The following NAP1L1 variants were observed in gnomAD, a reference collection of about 807,000 sequenced individuals.
NAP1L1 encodes the protein nucleosome assembly protein 1-like 1.
In NAP1L1, 9 loss-of-function variants were observed where a neutral mutation model predicts 58.9. The ratio of observed to expected loss-of-function variants is 0.15; its 90% confidence interval spans 0.09 to 0.27. The LOEUF (loss-of-function observed/expected upper bound fraction) is 0.27, where lower values mean the gene tolerates loss of function less well. NAP1L1 is among the 10% of genes least tolerant of loss of function. NAP1L1 has a pLI of 1.00. For synonymous variants in NAP1L1, 130 were observed against 138.3 expected (o/e 0.94, Z 0.42); for missense variants, 302 against 458.8 (o/e 0.66, Z 3.12).
rs539002132 is a variant in NAP1L1 at position 76,041,401 on chromosome 12, T to C, written c.*7028A>G. ...GTACTGATGAAAAGGAGATCCTATGTTGAACTAGTAAAACACATGCACAAA... is the reference window on the plus strand; with the variant it reads ...GTACTGATGAAAAGGAGATCCTATGCTGAACTAGTAAAACACATGCACAAA... On this transcript the variant is annotated 3_prime_UTR_variant, in exon 15 of 15. Coordinates refer to ENST00000618691, the MANE Select transcript of NAP1L1 (RefSeq NM_004537.7). The C allele has an allele frequency of 3.9e-5, 6 of 152,340 alleles. No homozygotes were observed. Among genetic ancestry groups the C allele is most frequent in the African/African-American group, 9.6e-5 (4 of 41,574 alleles). 9.4% of individuals were successfully genotyped at this position (152,340 alleles called of 1,614,324 possible).
At chr12:76,051,530 TA>T (rs1948828475) in intron 11 of NAP1L1, among the ~76,000 whole-genome samples, 1 of 152,146 alleles carries the variant, frequency 6.6e-6, no homozygotes, top group African/African-American at 2.4e-5. Flanking sequence ...ATATACTAAC[TA>T]AATCAGGTGC....
chr12:76,056,686 A>T (rs1949109632), intron 6 of NAP1L1: 1 of 143,644 alleles, frequency 7.0e-6, no homozygotes. Context: ...CCATGAAGTT[A>T]AAAAAAAAAA....
chr12:76,054,394 T>C (rs1020256326), intron 8 of NAP1L1, among the ~76,000 whole-genome samples: 1 of 152,262 alleles, frequency 6.6e-6, no homozygotes. Context: ...ATCAAAAAAA[T>C]TACGTTAAAA....
Position 76,050,552 on chromosome 12 carries a change from A to C in NAP1L1, c.1038T>G (p.Ala346=). Residue 346 remains alanine, a synonymous_variant, in exon 12 of 15, where the codon GCT becomes GCG. Coordinates refer to ENST00000618691, the MANE Select transcript of NAP1L1 (RefSeq NM_004537.7). ...PRSVLYFTGE[A]IEDDDDDYDE... is the part of the protein sequence containing the mutation. ...TTACATCATCATCATCATCTTCAATAGCTTCTCCAGTAAAATATAACACTG... is the reference window on the plus strand; with the variant it reads ...TTACATCATCATCATCATCTTCAATCGCTTCTCCAGTAAAATATAACACTG... 2.5e-6 allele frequency: 4 copies of C among 1,606,794 alleles called. No homozygotes were observed. The highest frequency in any genetic ancestry group is 3.4e-6 in the Non-Finnish European group (4 of 1,178,306).
chr12:76,069,188 G>A (rs1412149688), intron 2 of NAP1L1, among the ~76,000 whole-genome samples, 194 bp from the exon 3 acceptor site: 1 of 152,178 alleles, frequency 6.6e-6, no homozygotes, highest in Non-Finnish European at 1.5e-5. Context: ...TTCATTAAAA[G>A]CATCTGGTCA....
At chr12:76,068,733 C>T (rs1949799201) in intron 3 of NAP1L1, 176 bp downstream of exon 3, 4 of 501,180 alleles carry the variant, frequency 8.0e-6, no homozygotes, top group Non-Finnish European at 1.4e-5. Flanking sequence ...CTACCCGCCC[C>T]TTACACACAC....
chr12:76,049,081 T>C (rs1020276747), intron 14 of NAP1L1, 119 bp downstream of exon 14: 4 of 982,058 alleles, frequency 4.1e-6, no homozygotes, highest in Non-Finnish European at 6.2e-6. Flanking sequence ...AACAAAGTTA[T>C]CCAGTCAATA....
intron 14 of NAP1L1, 178 bp downstream of exon 14, chr12:76,049,022 C>T (rs933862675): frequency 5.3e-6 from 3 of 568,496 alleles, no homozygotes; most frequent in African/African-American, 3.8e-5. Flanking sequence ...TTTAGAAAAA[C>T]GTCCACTGAA....
At chr12:76,061,749 C>T (rs1337764157) in intron 4 of NAP1L1, among the ~76,000 whole-genome samples, 1 of 152,216 alleles carries the variant, frequency 6.6e-6, no homozygotes, top group Non-Finnish European at 1.5e-5. Flanking sequence ...AATTCACTTA[C>T]TTAGCCACCA....
In NAP1L1 at chr12:76,042,251, A is replaced by C. The variant is rs1948558259; in HGVS notation, c.*6178T>G. On this transcript the variant is annotated 3_prime_UTR_variant, in exon 15 of 15. Transcript: ENST00000618691. ...TAAAACCAATTTAAAAAGTAATCCCAATCACAAATTTTAGGTTTTCTTATG... is the reference window on the plus strand; with the variant it reads ...TAAAACCAATTTAAAAAGTAATCCCCATCACAAATTTTAGGTTTTCTTATG... 1 of 152,194 alleles carries C rather than the reference A, an allele frequency of 6.6e-6. No homozygotes were observed. Among genetic ancestry groups the C allele is most frequent in the Non-Finnish European group, 1.5e-5 (1 of 68,030 alleles). The allele number at this position is 152,194 out of a possible 1,614,324, so 9.4% of individuals were successfully genotyped here.
At chr12:76,076,876 C>T (rs1950202452) in intron 1 of NAP1L1, among the ~76,000 whole-genome samples, 1 of 152,018 alleles carries the variant, frequency 6.6e-6, no homozygotes. Context: ...AGGCTACACA[C>T]CTATACAGCA....
At chr12:76,069,394 A>T (rs557355853) in intron 2 of NAP1L1, among the ~76,000 whole-genome samples, 84 of 152,326 alleles carry the variant, frequency 5.5e-4, no homozygotes, top group African/African-American at 2.0e-3. Flanking sequence ...ACCTTTAGCT[A>T]CACTATTTTG....
At position 76,044,048 on chromosome 12, in the gene NAP1L1, G is replaced by C. The variant is rs990571128; in HGVS notation, c.*4381C>G. ...GCTTGTAATCCCAGCACTTTTGAGA[G>C]GCCAGCACTTTGAGAGGCTGAGGTG... On this transcript the variant is annotated 3_prime_UTR_variant, in exon 15 of 15. Coordinates refer to ENST00000618691, the MANE Select transcript of NAP1L1 (RefSeq NM_004537.7). 6.6e-6 allele frequency: 1 copy of C among 152,012 alleles called. No homozygotes were observed. The allele number at this position is 152,012 out of a possible 1,614,324, so 9.4% of individuals were successfully genotyped here.
At position 76,041,184 on chromosome 12, in the gene NAP1L1, C is replaced by G. The variant is rs1279426210; in HGVS notation, c.*7245G>C. The G allele has an allele frequency of 6.6e-6, 1 of 152,214 alleles. No homozygotes were observed. The highest frequency in any genetic ancestry group is 1.5e-5 in the Non-Finnish European group (1 of 68,048). 9.4% of individuals were successfully genotyped at this position (152,214 alleles called of 1,614,324 possible). On this transcript the variant is annotated 3_prime_UTR_variant, in exon 15 of 15. Coordinates refer to ENST00000618691, the MANE Select transcript of NAP1L1 (RefSeq NM_004537.7). Reference sequence around the variant, plus strand: ...TCATTCGACTTGCTACACAGTCCCACACAGGATTATGGTTGGTACATTGAA... The same window carrying G: ...TCATTCGACTTGCTACACAGTCCCAGACAGGATTATGGTTGGTACATTGAA...
rs1948561017 is a variant in NAP1L1 at position 76,042,605 on chromosome 12, C to T, written c.*5824G>A. ...GATTCCACTTATTTGAAAATAATTA[C>T]AAATACGGACGGCAGTAGCAGTAGG... On this transcript the variant is annotated 3_prime_UTR_variant, in exon 15 of 15. Coordinates refer to ENST00000618691, the MANE Select transcript of NAP1L1 (RefSeq NM_004537.7). 2 of 152,182 alleles carry T rather than the reference C, an allele frequency of 1.3e-5. No homozygotes were observed. The highest frequency in any genetic ancestry group is 4.8e-5 in the African/African-American group (2 of 41,450). 9.4% of individuals were successfully genotyped at this position (152,182 alleles called of 1,614,324 possible).
intron 1 of NAP1L1, among the ~76,000 whole-genome samples, chr12:76,077,580 T>TA (rs1234354626): frequency 1.3e-5 from 2 of 152,160 alleles, no homozygotes; most frequent in Non-Finnish European, 2.9e-5. Flanking sequence ...TGACATTAAA[T>TA]AAAATCAGTG....
In NAP1L1 at chr12:76,049,758, C is replaced by G. The variant is rs1724129220; in HGVS notation, c.1087G>C (p.Glu363Gln). The G allele has an allele frequency of 6.2e-7, 1 of 1,612,758 alleles. No homozygotes were observed. Reference sequence around the variant, plus strand: ...TTTGCTCATTTGGTAAACATTACCTCATCCGCTTCTTCACCTTCTTCATCA... The same window carrying G: ...TTTGCTCATTTGGTAAACATTACCTGATCCGCTTCTTCACCTTCTTCATCA... Reference protein sequence around the residue: ...DYDEEGEEADEEGEEEGDEEN... With the variant: ...DYDEEGEEADQEGEEEGDEEN... The change falls in exon 13 of 15, where the codon GAG (glutamate) becomes CAG (glutamine). Residue 363 changes from glutamate to glutamine, a missense_variant and splice_region_variant. By Grantham distance (29) the Glu-to-Gln change is conservative. Transcript: ENST00000618691.
intron 4 of NAP1L1, among the ~76,000 whole-genome samples, chr12:76,066,137 T>TAAATAAATAAAC (rs1208870278): frequency 3.3e-5 from 2 of 60,302 alleles, no homozygotes; most frequent in Non-Finnish European, 6.0e-5. Flanking sequence ...AATAAATAAA[T>TAAATAAATAAAC]AAACAAACAA....
chr12:76,054,005 AATG>A, intron 8 of NAP1L1, 96 bp from the exon 9 acceptor site: 1 of 1,262,592 alleles, frequency 7.9e-7, no homozygotes, highest in Non-Finnish European at 1.0e-6. Context: ...AAATATTCTA[AATG>A]ATAATTTTTT....
Sources: allele counts gnomAD v4.1 joint callset (sites outside exome capture counted in the v4.1 genomes callset), GRCh38; gene constraint gnomAD v4.1.1; transcripts MANE v1.5; gene names NCBI Gene and HGNC (gene_info 2026-07-23, HGNC 2026-07-21).